ELF4: variants seen among roughly 807,000 people sequenced by gnomAD.
ELF4 encodes the protein E74 like ETS transcription factor 4.
Under a neutral mutation model 31.7 loss-of-function variants are expected in ELF4, and 10 were observed. That is an observed-to-expected ratio of 0.32 (90% CI 0.19 to 0.54). The LOEUF (loss-of-function observed/expected upper bound fraction) is 0.54. ELF4 is among the 20% of genes least tolerant of loss of function. ELF4 has a pLI of 0.95. For missense variants in ELF4, 418 were observed against 522.0 expected (o/e 0.80, Z 1.94); for synonymous variants, 208 against 226.7 (o/e 0.92, Z 0.74).
At position 130,066,936 on chromosome X, in the gene ELF4, G is replaced by A. The variant is rs1932686559; in HGVS notation, c.1777C>T (p.Leu593Phe). The change falls in exon 9 of 9, where the codon CTT (leucine) becomes TTT (phenylalanine). Residue 593 changes from leucine to phenylalanine, a missense_variant. Physicochemically the swap from Leu to Phe is conservative, Grantham distance 22 (BLOSUM62 0). Transcript: ENST00000308167. ...GGAGACAAAGTCTGGTTGCCCAGAA[G>A]GCTCGGATTGTGGGAACCCCTGGAA... Reference protein sequence around the residue: ...VVSRGSHNPSLLGNQTLSPPS... With the variant: ...VVSRGSHNPSFLGNQTLSPPS... 3 of 1,212,134 alleles carry A rather than the reference G, an allele frequency of 2.5e-6. No individual in the cohort carries two copies. The highest frequency in any genetic ancestry group is 2.2e-6 in the Non-Finnish European group (2 of 895,611).
intron 1 of ELF4, among the ~76,000 whole-genome samples, chrX:130,110,008 G>A (rs1369510812): frequency 8.9e-6 from 1 of 112,302 alleles, no homozygotes; most frequent in African/African-American, 3.2e-5. Flanking sequence ...GCCCTCGGGC[G>A]CCCAGCTTCT....
At chrX:130,110,782 G>C (rs1180447179), upstream of ELF4, 2 of 105,883 alleles carry the variant, frequency 1.9e-5, no homozygotes, top group African/African-American at 6.9e-5. Flanking sequence ...GGGGAGCGGG[G>C]CGGACGCCGG....
rs564779598 is a variant in ELF4 at position 130,098,376 on chromosome X, T to C, written c.-210+11949A>G. On this transcript the variant is annotated intron_variant, in intron 1 of 8. Transcript: ENST00000308167. The stretch of plus-strand genomic sequence containing the variant: ...TCTTCTGTACTTAGCCACCCAGAGA[T>C]GACGGTGGGTAGCTCTAGGCTGAAA... Among the ~76,000 whole-genome samples, 35 of 111,874 alleles carry C rather than the reference T, an allele frequency of 3.1e-4. 1 individual carries two copies. The South Asian group carries it at 0.013, about 41-fold the overall frequency.
intron 1 of ELF4, among the ~76,000 whole-genome samples, chrX:130,083,629 C>T (rs1021452299): frequency 5.4e-5 from 6 of 111,634 alleles, no homozygotes; most frequent in Non-Finnish European, 1.1e-4. Flanking sequence ...GTGCTGTCTG[C>T]CTGGGCTACT....
At chrX:130,096,668 C>T (rs984977037) in intron 1 of ELF4, among the ~76,000 whole-genome samples, 1 of 111,023 alleles carries the variant, frequency 9.0e-6, no homozygotes, top group African/African-American at 3.3e-5. Flanking sequence ...AGAAGGGCAG[C>T]GGCCCACTGA....
chrX:130,099,705 C>T (rs1933213434), intron 1 of ELF4, among the ~76,000 whole-genome samples: 1 of 111,112 alleles, frequency 9.0e-6, no homozygotes, highest in East Asian at 2.9e-4. Flanking sequence ...GCAGTGCTAT[C>T]TCGGCTCACG....
intron 1 of ELF4, among the ~76,000 whole-genome samples, chrX:130,098,255 T>C (rs1029318003): frequency 3.6e-5 from 4 of 111,256 alleles, no homozygotes; most frequent in Non-Finnish European, 7.5e-5. Flanking sequence ...ATGCGTTCTT[T>C]TTAAATTGTA....
chrX:130,073,100 T>G (rs1404270264), intron 4 of ELF4, among the ~76,000 whole-genome samples: 1 of 111,933 alleles, frequency 8.9e-6, no homozygotes, highest in Non-Finnish European at 1.9e-5. Flanking sequence ...TTTATTTATT[T>G]ATTTATTTAG....
At chrX:130,100,267 C>G (rs1352011210) in intron 1 of ELF4, among the ~76,000 whole-genome samples, 2 of 112,010 alleles carry the variant, frequency 1.8e-5, no homozygotes, top group African/African-American at 6.5e-5. Flanking sequence ...CTGCCTAGCT[C>G]CTCCCTCAGC....
rs746225173 is a variant in ELF4 at position 130,072,388 on chromosome X, C to G, written c.370G>C (p.Asp124His). The change falls in exon 5 of 9, where the codon GAC (aspartate) becomes CAC (histidine). Residue 124 changes from aspartate to histidine, a missense_variant. This residue lies in a region of ELF4 where 88 missense variants were observed against 92.4 expected (regional missense o/e 0.95). Coordinates refer to ENST00000308167, the MANE Select transcript of ELF4 (RefSeq NM_001421.4). Reference protein sequence around the residue: ...FSTSEMLPDSDPAPAVTLPNY... With the variant: ...FSTSEMLPDSHPAPAVTLPNY... ...GGCAGAGTGACAGCTGGTGCAGGGT[C>G]CGAGTCTGGAAGCATTTCGGAGGTA... is the stretch of plus-strand genomic sequence containing the variant. 13 of 1,210,615 alleles carry G rather than the reference C, an allele frequency of 1.1e-5. No homozygotes were observed. In the African/African-American group the frequency reaches 2.3e-4, roughly 21 times the overall value.
Position 130,069,499 on chromosome X carries a change from T to C in ELF4, c.988A>G (p.Thr330Ala). 2 of 1,212,489 alleles carry C rather than the reference T, an allele frequency of 1.6e-6. No individual in the cohort carries two copies. Among genetic ancestry groups the C allele is most frequent in the South Asian group, 1.8e-5 (1 of 57,083 alleles). The stretch of plus-strand genomic sequence containing the variant: ...GATCTGGATGAGACCCTGGAGCTGG[T>C]TCGCCGGGTGGTACTGGCAGAGGCC... ...SVASASTTRR[T>A]SSRVSSRSAP... is the part of the protein sequence containing the mutation. Residue 330 changes from threonine (T) to alanine (A), a missense_variant, in exon 8 of 9, where the codon ACC (threonine) becomes GCC (alanine). By Grantham distance (58) the Thr-to-Ala change is moderately conservative (BLOSUM62 0). Coordinates refer to ENST00000308167, the MANE Select transcript of ELF4 (RefSeq NM_001421.4).
At chrX:130,088,029 G>A (rs1490605498) in intron 1 of ELF4, among the ~76,000 whole-genome samples, 1 of 111,005 alleles carries the variant, frequency 9.0e-6, no homozygotes, top group African/African-American at 3.3e-5. Context: ...AACTTAATAT[G>A]GAAAGCGACT....
chrX:130,101,746 C>T (rs757357642), intron 1 of ELF4, among the ~76,000 whole-genome samples: 11 of 110,007 alleles, frequency 1.0e-4, no homozygotes, highest in Non-Finnish European at 1.9e-4. Context: ...TTGCAGTGAG[C>T]CGAGATCACG....
chrX:130,074,181 C>T (rs759550391), intron 3 of ELF4, 40 bp from the exon 4 acceptor site: 6 of 1,169,655 alleles, frequency 5.1e-6, no homozygotes, highest in African/African-American at 1.8e-5. Context: ...AAGAAAAGTT[C>T]CCTCAGGGCA....
chrX:130,066,974 G>C lies in ELF4; in HGVS notation c.1739C>G (p.Pro580Arg), dbSNP rs1347462011. 1 of 1,210,894 alleles carries C rather than the reference G, an allele frequency of 8.3e-7. No homozygotes were observed. The highest frequency in any genetic ancestry group is 1.7e-5 in the African/African-American group (1 of 57,410). Residue 580 changes from proline to arginine, a missense_variant, in exon 9 of 9, where the codon CCA becomes CGA. Around this residue, in one of 4 missense-constraint regions of ELF4, gnomAD observed 260 missense variants for 269.2 expected, o/e 0.97. Coordinates refer to ENST00000308167, the MANE Select transcript of ELF4 (RefSeq NM_001421.4). ...LRDQAHLQPL[P>R]TQVVSRGSHN... ...GGAACCCCTGGAAACCACCTGGGTTGGAAGTGGCTGAAGATGAGCCTGATC... is the reference window on the plus strand; with the variant it reads ...GGAACCCCTGGAAACCACCTGGGTTCGAAGTGGCTGAAGATGAGCCTGATC...
At chrX:130,099,796 G>T (rs1010877279) in intron 1 of ELF4, among the ~76,000 whole-genome samples, 101 of 110,209 alleles carry the variant, frequency 9.2e-4, no homozygotes, top group African/African-American at 2.9e-3. Flanking sequence ...GCATCACCAT[G>T]CCCTGCTAAT....
intron 1 of ELF4, among the ~76,000 whole-genome samples, chrX:130,102,484 G>A (rs775840480): frequency 9.0e-6 from 1 of 110,878 alleles, no homozygotes; most frequent in Admixed American, 9.7e-5. Flanking sequence ...TTCAAAAATA[G>A]TGCTAGAATA....
chrX:130,066,512 T>C lies in ELF4; in HGVS notation c.*209A>G. ...GTTATGCTGCCAAAAGCATATGCCC[T>C]AGTGCTCTTGAAGGCCATAGTCTGA... On this transcript the variant is annotated 3_prime_UTR_variant, in exon 9 of 9. Transcript: ENST00000308167. 4.4e-6 allele frequency: 2 copies of C among 449,610 alleles called. No individual in the cohort carries two copies. Among genetic ancestry groups the C allele is most frequent in the Non-Finnish European group, 7.7e-6 (2 of 258,875 alleles). The allele number at this position is 449,610 out of a possible 1,213,427, so 37.1% of individuals were successfully genotyped here. A position where few individuals can be genotyped will look rare whatever the true frequency, so the allele number is the denominator to read the frequency against.
intron 1 of ELF4, among the ~76,000 whole-genome samples, chrX:130,109,628 G>C (rs887339683): frequency 8.9e-6 from 1 of 111,861 alleles, no homozygotes; most frequent in South Asian, 3.7e-4. Context: ...TCAGGGTTAG[G>C]GTGCGGTGGA....
Sources: allele counts gnomAD v4.1 joint callset (sites outside exome capture counted in the v4.1 genomes callset), GRCh38; gene constraint gnomAD v4.1.1; regional missense constraint gnomAD v4.1.1; transcripts MANE v1.5; gene names NCBI Gene and HGNC (gene_info 2026-07-23, HGNC 2026-07-21).